The following EDF1 variants were observed in gnomAD, a reference collection of about 807,000 sequenced individuals.
EDF1 encodes endothelial differentiation related factor 1, also known as endothelial differentiation-related factor 1.
EDF1 carries 5 observed loss-of-function variants against 20.8 expected under a neutral mutation model. The ratio of observed to expected loss-of-function variants is 0.24; its 90% CI spans 0.13 to 0.51. The LOEUF (loss-of-function observed/expected upper bound fraction) is 0.51. Ranked by LOEUF, EDF1 falls within the 20% of genes least tolerant of loss-of-function variation. EDF1 has a pLI of 0.97. For missense variants in EDF1, 137 were observed against 197.8 expected (o/e 0.69, Z 1.84); for synonymous variants, 96 against 78.5 (o/e 1.22, Z -1.18).
In EDF1 at chr9:136,862,249, A is replaced by T; in HGVS notation, c.*35T>A. 6.2e-7 allele frequency: 1 copy of T among 1,613,242 alleles called. No individual in the cohort carries two copies. Among genetic ancestry groups the T allele is most frequent in the South Asian group, 1.1e-5 (1 of 91,050 alleles). On this transcript the variant is annotated 3_prime_UTR_variant, in exon 5 of 5. Coordinates refer to ENST00000224073, the MANE Select transcript of EDF1 (RefSeq NM_003792.4). The surrounding 1 kb of genome is among the most constrained non-coding windows in gnomAD (Gnocchi z 4.1). ...GGCCAAGGGGAACCGGCGGAACGAG[A>T]TCAGCTGGAGCGCACTGATTTCGAG...
In EDF1 at chr9:136,866,217, C is replaced by T. The variant is rs1849223970; in HGVS notation, c.42G>A (p.Lys14=). The T allele has an allele frequency of 6.2e-7, 1 of 1,602,146 alleles. No individual in the cohort carries two copies. The highest frequency in any genetic ancestry group is 8.5e-7 in the Non-Finnish European group (1 of 1,176,172). Reference sequence around the variant, plus strand: ...TGGCCTGGGCGGCCGTAGGGCCCTTCTTGCGCAGCACCGTCACCGTGTCCC... The same window carrying T: ...TGGCCTGGGCGGCCGTAGGGCCCTTTTTGCGCAGCACCGTCACCGTGTCCC... ...SDWDTVTVLR[K]KGPTAAQAKS... is the part of the protein sequence containing the mutation. Residue 14 remains lysine, a synonymous_variant, in exon 1 of 5, where the codon AAG becomes AAA. Coordinates refer to ENST00000224073, the MANE Select transcript of EDF1 (RefSeq NM_003792.4).
Position 136,863,916 on chromosome 9 carries a change from G to A in EDF1, c.79-45C>T, listed in dbSNP as rs1849163476. ...CAGTGGATCAAAATTAGCTTTGACA[G>A]TATCCAGCACACACCAATTCAGGCC... is the stretch of plus-strand genomic sequence containing the variant. On this transcript the variant is annotated intron_variant, in intron 1 of 4. Transcript: ENST00000224073. This position sits in a 1 kb window ranked among gnomAD's most constrained non-coding sequence, Gnocchi z 4.5. The A allele has an allele frequency of 6.2e-7, 1 of 1,605,502 alleles. No homozygotes were observed. Among genetic ancestry groups the A allele is most frequent in the East Asian group, 2.2e-5 (1 of 44,854 alleles).
chr9:136,863,971 G>A lies in EDF1; in HGVS notation c.79-100C>T, dbSNP rs770354824. ...GTTAGCCAGTTAGCACACTGCTAAG[G>A]ACTAGTGGTGCCCAAGGACTGATAT... is the stretch of plus-strand genomic sequence containing the variant. On this transcript the variant is annotated intron_variant, in intron 1 of 4. Coordinates refer to ENST00000224073, the MANE Select transcript of EDF1 (RefSeq NM_003792.4). The surrounding 1 kb of genome is among the most constrained non-coding windows in gnomAD (Gnocchi z 4.5). The A allele has an allele frequency of 6.4e-6, 8 of 1,258,682 alleles. No homozygotes were observed. The highest frequency in any genetic ancestry group is 9.1e-6 in the Non-Finnish European group (8 of 876,856). 78.0% of individuals were successfully genotyped at this position (1,258,682 alleles called of 1,614,324 possible).
chr9:136,864,811 G>A (rs1203380590), intron 1 of EDF1, among the ~76,000 whole-genome samples: 1 of 151,982 alleles, frequency 6.6e-6, no homozygotes, highest in Non-Finnish European at 1.5e-5. Context: ...TTTTAGTAGA[G>A]ACGGGGTTTC....
Position 136,863,470 on chromosome 9 carries a change from A to G in EDF1, c.131-22T>C. 6.2e-7 allele frequency: 1 copy of G among 1,604,400 alleles called. No individual in the cohort carries two copies. Among genetic ancestry groups the G allele is most frequent in the South Asian group, 1.1e-5 (1 of 90,776 alleles). Reference sequence around the variant, plus strand: ...GCCCCTGGAGTCGGTGTGAGGCAAAAGCAGAGGAGAGGATTTGGAATTAAC... The same window carrying G: ...GCCCCTGGAGTCGGTGTGAGGCAAAGGCAGAGGAGAGGATTTGGAATTAAC... On this transcript the variant is annotated intron_variant, in intron 2 of 4. Coordinates refer to ENST00000224073, the MANE Select transcript of EDF1 (RefSeq NM_003792.4). The surrounding 1 kb of genome is among the most constrained non-coding windows in gnomAD (Gnocchi z 4.5).
intron 1 of EDF1, among the ~76,000 whole-genome samples, chr9:136,865,819 C>A (rs1421636455): frequency 1.4e-5 from 2 of 145,048 alleles, no homozygotes; most frequent in Non-Finnish European, 3.0e-5. Context: ...ACAGTCCCTG[C>A]CCCTATCCCC....
chr9:136,864,387 G>A (rs914969886), intron 1 of EDF1, among the ~76,000 whole-genome samples: 6 of 151,092 alleles, frequency 4.0e-5, no homozygotes, highest in Middle Eastern at 3.4e-3. Flanking sequence ...GCTGGTATGC[G>A]TTAGTGGATT....
chr9:136,866,101 G>A, intron 1 of EDF1, 80 bp downstream of exon 1: 1 of 1,196,018 alleles, frequency 8.4e-7, no homozygotes, highest in Non-Finnish European at 1.1e-6. Context: ...GCCCTTCCCC[G>A]AGCCCCCTGC....
Position 136,862,597 on chromosome 9 carries a change from G to C in EDF1, c.386-252C>G. 5 of 1,545,788 alleles carry C rather than the reference G, an allele frequency of 3.2e-6. No individual in the cohort carries two copies. The highest frequency in any genetic ancestry group is 1.2e-5 in the South Asian group (1 of 85,532). On this transcript the variant is annotated intron_variant, in intron 4 of 4. Coordinates refer to ENST00000224073, the MANE Select transcript of EDF1 (RefSeq NM_003792.4). The surrounding 1 kb of genome is among the most constrained non-coding windows in gnomAD (Gnocchi z 4.1). ...GGGGTCCTCTGTGGAACTGGCTTCCGGCCCCATGCTGACAGGGCCCGGACC... is the reference window on the plus strand; with the variant it reads ...GGGGTCCTCTGTGGAACTGGCTTCCCGCCCCATGCTGACAGGGCCCGGACC...
At chr9:136,865,285 G>A (rs912572787) in intron 1 of EDF1, among the ~76,000 whole-genome samples, 1 of 152,066 alleles carries the variant, frequency 6.6e-6, no homozygotes, top group Non-Finnish European at 1.5e-5. Context: ...CACAAGTACT[G>A]TTCAGGGCAC....
chr9:136,863,274 C>T lies in EDF1; in HGVS notation c.291+14G>A, dbSNP rs765520277. The stretch of plus-strand genomic sequence containing the variant: ...CCCACAACCCCAGGAGTGAGAGCCC[C>T]GGCGCAGCCTCACCGTGGCCAGGTC... On this transcript the variant is annotated intron_variant, in intron 3 of 4. Coordinates refer to ENST00000224073, the MANE Select transcript of EDF1 (RefSeq NM_003792.4). This position sits in a 1 kb window ranked among gnomAD's most constrained non-coding sequence, Gnocchi z 4.5. 8 of 1,607,948 alleles carry T rather than the reference C, an allele frequency of 5.0e-6. No individual in the cohort carries two copies. The highest frequency in any genetic ancestry group is 2.2e-5 in the East Asian group (1 of 44,830).
At position 136,864,290 on chromosome 9, in the gene EDF1, T is replaced by TA. The variant is rs1034878232; in HGVS notation, c.79-420dup. 7.3e-5 allele frequency among the ~76,000 whole-genome samples: 11 copies of TA among 151,436 alleles called. No homozygotes were observed. In the East Asian group the frequency reaches 1.2e-3, roughly 16 times the overall value. ...ACTAGGGATTTTTTTTTTTTTTTTT[T>TA]AGAGTTGAGGTCTTGCTATGTTGCC... On this transcript the variant is annotated intron_variant, in intron 1 of 4. Coordinates refer to ENST00000224073, the MANE Select transcript of EDF1 (RefSeq NM_003792.4).
Position 136,862,676 on chromosome 9 carries a change from G to T in EDF1, c.385+230C>A. The stretch of plus-strand genomic sequence containing the variant: ...CCAACAGCACAGGCTGACGGGAACT[G>T]GCAAGGGGAAGGGACTCGGACTCCA... On this transcript the variant is annotated intron_variant, in intron 4 of 4. Coordinates refer to ENST00000224073, the MANE Select transcript of EDF1 (RefSeq NM_003792.4). This position sits in a 1 kb window ranked among gnomAD's most constrained non-coding sequence, Gnocchi z 4.1. 1 of 1,491,012 alleles carries T rather than the reference G, an allele frequency of 6.7e-7. No homozygotes were observed. The highest frequency in any genetic ancestry group is 8.9e-7 in the Non-Finnish European group (1 of 1,127,030). The allele number at this position is 1,491,012 out of a possible 1,614,324, so 92.4% of individuals were successfully genotyped here. A position where few individuals can be genotyped will look rare whatever the true frequency, so the allele number is the denominator to read the frequency against.
In EDF1 at chr9:136,866,306, G is replaced by A. The variant is rs1468484442; in HGVS notation, c.-48C>T. On this transcript the variant is annotated 5_prime_UTR_variant, in exon 1 of 5. Transcript: ENST00000224073. The stretch of plus-strand genomic sequence containing the variant: ...TCCGGCGGCTCAGCGGCAGCTGCTA[G>A]AGACCTGGCGCGGCGACGCTACGTC... 4.4e-6 allele frequency: 7 copies of A among 1,575,942 alleles called. No homozygotes were observed. The highest frequency in any genetic ancestry group is 1.1e-5 in the South Asian group (1 of 87,306).
Position 136,866,307 on chromosome 9 carries a change from A to C in EDF1, c.-49T>G. ...CCGGCGGCTCAGCGGCAGCTGCTAG[A>C]GACCTGGCGCGGCGACGCTACGTCC... On this transcript the variant is annotated 5_prime_UTR_variant, in exon 1 of 5. Coordinates refer to ENST00000224073, the MANE Select transcript of EDF1 (RefSeq NM_003792.4). The C allele has an allele frequency of 2.5e-6, 4 of 1,575,822 alleles. No homozygotes were observed. Among genetic ancestry groups the C allele is most frequent in the Non-Finnish European group, 3.4e-6 (4 of 1,165,524 alleles).
chr9:136,864,537 C>T (rs1849176735), intron 1 of EDF1, among the ~76,000 whole-genome samples: 1 of 152,154 alleles, frequency 6.6e-6, no homozygotes, highest in African/African-American at 2.4e-5. Context: ...TGACACATCT[C>T]ATGGAAGCCT....
intron 1 of EDF1, among the ~76,000 whole-genome samples, chr9:136,865,754 T>C (rs1849207707): frequency 7.1e-6 from 1 of 140,576 alleles, no homozygotes; most frequent in African/African-American, 2.7e-5. Context: ...GCCCCCAGCC[T>C]TGTCCCCGTC....
intron 1 of EDF1, among the ~76,000 whole-genome samples, chr9:136,865,280 G>A (rs932591031): frequency 1.3e-5 from 2 of 152,096 alleles, no homozygotes; most frequent in South Asian, 4.1e-4. Context: ...CCTTCCACAA[G>A]TACTGTTCAG....
Position 136,862,789 on chromosome 9 carries a change from A to T in EDF1, c.385+117T>A. The T allele has an allele frequency of 6.2e-7, 1 of 1,606,200 alleles. No individual in the cohort carries two copies. Among genetic ancestry groups the T allele is most frequent in the East Asian group, 2.2e-5 (1 of 44,822 alleles). On this transcript the variant is annotated intron_variant, in intron 4 of 4. Transcript: ENST00000224073. This position sits in a 1 kb window ranked among gnomAD's most constrained non-coding sequence, Gnocchi z 4.1. ...GGAGAAGCAAAGCTCCAGAATTCAG[A>T]GAACAGGGGACCCCCAGGGCCATCT...
Sources: allele counts gnomAD v4.1 joint callset (sites outside exome capture counted in the v4.1 genomes callset), GRCh38; gene constraint gnomAD v4.1.1; non-coding constraint Gnocchi (gnomAD v3.1); transcripts MANE v1.5; gene names NCBI Gene and HGNC (gene_info 2026-07-23, HGNC 2026-07-21).